The following ST3GAL2 variants were observed in gnomAD, a reference collection of about 807,000 sequenced individuals.
ST3GAL2 encodes the protein ST3 beta-galactoside alpha-2,3-sialyltransferase 2, also known as CMP-N-acetylneuraminate-beta-galactosamide-alpha-2,3-sialyltransferase 2.
Under a neutral mutation model 37.5 loss-of-function variants are expected in ST3GAL2, and 16 were observed. The observed-to-expected ratio is 0.43, with a 90% CI of 0.29 to 0.65. The LOEUF (loss-of-function observed/expected upper bound fraction) is 0.65, where lower values mean the gene tolerates loss of function less well. ST3GAL2 is among the 30% of genes least tolerant of loss of function. ST3GAL2 has a pLI of 0.17. For synonymous variants in ST3GAL2, 238 were observed against 202.9 expected, an observed-to-expected ratio of 1.17 and a Z score of -1.47; for missense variants, 383 against 487.8, an observed-to-expected ratio of 0.79 and a Z score of 2.02.
intron 3 of ST3GAL2, among the ~76,000 whole-genome samples, chr16:70,390,478 G>T (rs1489668676): frequency 6.6e-6 from 1 of 152,292 alleles, no homozygotes; most frequent in Admixed American, 6.5e-5. Flanking sequence ...AAGTAAGATA[G>T]GAAGTTCAAG....
intron 1 of ST3GAL2, among the ~76,000 whole-genome samples, chr16:70,411,793 G>A (rs907309002): frequency 5.3e-5 from 8 of 152,158 alleles, no homozygotes; most frequent in African/African-American, 7.2e-5. Flanking sequence ...TTGGGAGTTC[G>A]AGAGCAGCCT....
chr16:70,434,053 T>C (rs77928484), intron 1 of ST3GAL2, among the ~76,000 whole-genome samples: 5,699 of 152,214 alleles, frequency 0.037, 389 homozygotes, highest in African/African-American at 0.13. Flanking sequence ...ACTGTAGATC[T>C]ATTGGTGGAC....
chr16:70,422,296 A>G (rs1223966594), intron 1 of ST3GAL2, among the ~76,000 whole-genome samples: 1 of 152,218 alleles, frequency 6.6e-6, no homozygotes, highest in East Asian at 1.9e-4. Context: ...TGTATCTCCA[A>G]GTAACATTGA....
chr16:70,421,852 C>A (rs994822829), intron 1 of ST3GAL2, among the ~76,000 whole-genome samples: 1 of 150,518 alleles, frequency 6.6e-6, no homozygotes, highest in Non-Finnish European at 1.5e-5. Flanking sequence ...GAGTCCAAAG[C>A]CCTCATAGGG....
intron 3 of ST3GAL2, among the ~76,000 whole-genome samples, chr16:70,392,857 T>G (rs1398836262): frequency 6.6e-6 from 1 of 152,066 alleles, no homozygotes; most frequent in Non-Finnish European, 1.5e-5. Flanking sequence ...CCATCATAGC[T>G]CACCACAGCC....
chr16:70,384,229 G>C (rs2047426067), intron 4 of ST3GAL2, among the ~76,000 whole-genome samples: 1 of 152,102 alleles, frequency 6.6e-6, no homozygotes. Flanking sequence ...ATCCTTGAAG[G>C]ATAAACGGAT....
chr16:70,386,354 ATTTT>A (rs947752535), intron 4 of ST3GAL2, among the ~76,000 whole-genome samples: 2 of 151,384 alleles, frequency 1.3e-5, no homozygotes, highest in Admixed American at 1.3e-4. Flanking sequence ...CGGCCGGCTA[ATTTT>A]TTTTTATTAT....
chr16:70,389,202 C>CAAAAAAAAAAAAAAAAAAAAAAAAAAAA (rs1160368910), intron 3 of ST3GAL2, among the ~76,000 whole-genome samples: 4 of 27,362 alleles, frequency 1.5e-4, no homozygotes, highest in Non-Finnish European at 2.0e-4. Context: ...CCCATCTCTA[C>CAAAAAAAAAAAAAAAAAAAAAAAAAAAA]AAAAAAAAAA....
At position 70,398,310 on chromosome 16, in the gene ST3GAL2, C is replaced by A; in HGVS notation, c.221G>T (p.Arg74Leu). The A allele has an allele frequency of 6.2e-7, 1 of 1,613,404 alleles. No individual in the cohort carries two copies. Among genetic ancestry groups the A allele is most frequent in the Non-Finnish European group, 8.5e-7 (1 of 1,180,040 alleles). Residue 74 changes from arginine to leucine, a missense_variant, in exon 2 of 7, where the codon CGC becomes CTC. Arg to Leu is a moderately radical substitution (Grantham distance 102). This residue lies in a region of ST3GAL2 where 223 missense variants were observed against 239.1 expected (regional missense o/e 0.93). Transcript: ENST00000342907. ...GGAGGCACCGGCATCGCCCATGCAG[C>A]GGCGACAGGCACAGCTCTTGCCCGA... ...RLSGKSCACR[R>L]CMGDAGASDW...
Position 70,398,789 on chromosome 16 carries a change from C to T in ST3GAL2, c.-259G>A, listed in dbSNP as rs990434765. On this transcript the variant is annotated 5_prime_UTR_variant, in exon 2 of 7. Coordinates refer to ENST00000342907, the MANE Select transcript of ST3GAL2 (RefSeq NM_006927.4). ...CTTCATCGGGTCTCTCCGTCACTAG[C>T]TAGGCCACAGAGGCTCTGCCTCTCC... The T allele has an allele frequency of 3.4e-6, 2 of 580,002 alleles. No individual in the cohort carries two copies. Among genetic ancestry groups the T allele is most frequent in the Non-Finnish European group, 6.1e-6 (2 of 326,220 alleles). 35.9% of individuals were successfully genotyped at this position (580,002 alleles called of 1,614,324 possible). A position where few individuals can be genotyped will look rare whatever the true frequency, so the allele number is the denominator to read the frequency against.
At chr16:70,436,001 C>T (rs1030390813) in intron 1 of ST3GAL2, among the ~76,000 whole-genome samples, 1 of 150,994 alleles carries the variant, frequency 6.6e-6, no homozygotes, top group South Asian at 2.1e-4. Context: ...TGGCAGATAC[C>T]TATAATCCCA....
intron 1 of ST3GAL2, among the ~76,000 whole-genome samples, chr16:70,407,773 G>A (rs536801102): frequency 9.2e-5 from 14 of 152,324 alleles, no homozygotes; most frequent in African/African-American, 3.1e-4. Flanking sequence ...AGCAGGGACT[G>A]TTTTGGAGGC....
chr16:70,386,021 T>G (rs552317902), intron 4 of ST3GAL2, among the ~76,000 whole-genome samples: 75 of 152,100 alleles, frequency 4.9e-4, no homozygotes, highest in Non-Finnish European at 4.1e-4. Flanking sequence ...ATGAAAATTT[T>G]TTTTGTTTTG....
chr16:70,415,147 T>C (rs1214778760), intron 1 of ST3GAL2, among the ~76,000 whole-genome samples: 2 of 152,200 alleles, frequency 1.3e-5, no homozygotes. Context: ...GTGCTGGGAT[T>C]ACAGGCATGA....
intron 3 of ST3GAL2, among the ~76,000 whole-genome samples, chr16:70,391,252 AG>A (rs2151660219): frequency 6.6e-6 from 1 of 152,180 alleles, no homozygotes; most frequent in African/African-American, 2.4e-5. Context: ...TTGGGGTGGG[AG>A]GTCTCAAAAC....
chr16:70,398,498 G>T lies in ST3GAL2; in HGVS notation c.33C>A (p.Ser11=), dbSNP rs924829655. The change falls in exon 2 of 7, where the codon TCC becomes TCA. Residue 11 remains serine, a synonymous_variant. Transcript: ENST00000342907. ...TGATGAACACCAGCAGGAAGGCCAC[G>T]GAGAGGAACCACACCCGCAGGGAGC... MKCSLRVWFL[S]VAFLLVFIMS... 1.2e-6 allele frequency: 2 copies of T among 1,611,856 alleles called. No individual in the cohort carries two copies. The highest frequency in any genetic ancestry group is 1.7e-6 in the Non-Finnish European group (2 of 1,179,488).
intron 1 of ST3GAL2, among the ~76,000 whole-genome samples, chr16:70,423,443 G>A (rs1020893227): frequency 6.6e-6 from 1 of 152,134 alleles, no homozygotes; most frequent in Non-Finnish European, 1.5e-5. Flanking sequence ...CTGGGAGGCG[G>A]AGGCTGCAAT....
chr16:70,410,769 T>A (rs1039358706), intron 1 of ST3GAL2, among the ~76,000 whole-genome samples: 1 of 150,230 alleles, frequency 6.7e-6, no homozygotes. Context: ...AATTCTAGTT[T>A]TCTCTTAAAA....
chr16:70,403,749 G>T (rs1280765441), intron 1 of ST3GAL2, among the ~76,000 whole-genome samples: 1 of 152,184 alleles, frequency 6.6e-6, no homozygotes, highest in Non-Finnish European at 1.5e-5. Flanking sequence ...GGAGTCAGAG[G>T]TTGTGTGAGC....
Sources: allele counts gnomAD v4.1 joint callset (sites outside exome capture counted in the v4.1 genomes callset), GRCh38; gene constraint gnomAD v4.1.1; regional missense constraint gnomAD v4.1.1; transcripts MANE v1.5; gene names NCBI Gene and HGNC (gene_info 2026-07-23, HGNC 2026-07-21).